The following MSRA variants were observed in gnomAD, a reference collection of about 807,000 sequenced individuals.
MSRA encodes methionine sulfoxide reductase A.
A neutral mutation model predicts 31.3 loss-of-function variants in MSRA; 54 were observed. The ratio of observed to expected loss-of-function variants is 1.73; its 90% CI spans 1.39 to 2.17. The LOEUF (loss-of-function observed/expected upper bound fraction) is 2.17, where lower values mean the gene tolerates loss of function less well. Among genes scored for constraint, MSRA ranks in the 30% most tolerant of loss-of-function variants. MSRA has a pLI of 0.00. For synonymous variants in MSRA, 169 were observed against 116.5 expected (o/e 1.45, Z -2.90); for missense variants, 507 against 300.9 (o/e 1.69, Z -5.07).
At chr8:10,314,009 C>G (rs1425763401) in intron 4 of MSRA, among the ~76,000 whole-genome samples, 2 of 152,054 alleles carry the variant, frequency 1.3e-5, no homozygotes, top group Non-Finnish European at 1.5e-5. Context: ...AAATCAATTC[C>G]AAGTAGATTG....
chr8:10,381,412 T>C (rs11249995), intron 5 of MSRA, among the ~76,000 whole-genome samples: 44,914 of 152,082 alleles, frequency 0.3, 7,692 homozygotes, highest in Non-Finnish European at 0.38. Flanking sequence ...AGAAAGGACA[T>C]GTCCTGAAGA....
intron 1 of MSRA, among the ~76,000 whole-genome samples, chr8:10,120,789 C>G (rs1475449535): frequency 6.6e-6 from 1 of 152,200 alleles, no homozygotes; most frequent in Non-Finnish European, 1.5e-5. Flanking sequence ...TGTTCTCTCT[C>G]CAAACGCTGT....
chr8:10,234,839 A>G (rs894020488), intron 2 of MSRA, among the ~76,000 whole-genome samples: 8 of 152,112 alleles, frequency 5.3e-5, no homozygotes, highest in African/African-American at 1.7e-4. Context: ...AATAGCATTA[A>G]AAATACTAAA....
At chr8:10,311,154 G>A (rs1055159954) in intron 4 of MSRA, among the ~76,000 whole-genome samples, 7 of 152,148 alleles carry the variant, frequency 4.6e-5, no homozygotes, top group Non-Finnish European at 8.8e-5. Context: ...GGATTTCTAG[G>A]TTCCAGGAAT....
At chr8:10,269,151 C>G (rs1480615897) in intron 3 of MSRA, among the ~76,000 whole-genome samples, 1 of 152,170 alleles carries the variant, frequency 6.6e-6, no homozygotes, top group Admixed American at 6.5e-5. Flanking sequence ...TGCTGCTGCA[C>G]GTTGTGCTCA....
intron 5 of MSRA, among the ~76,000 whole-genome samples, chr8:10,384,152 G>GTC (rs2129175981): frequency 6.6e-6 from 1 of 152,298 alleles, no homozygotes; most frequent in East Asian, 1.9e-4. Flanking sequence ...GACGGGTGAC[G>GTC]TATAGGGCTT....
At chr8:10,057,800 C>G (rs960666676) in intron 1 of MSRA, among the ~76,000 whole-genome samples, 1 of 152,222 alleles carries the variant, frequency 6.6e-6, no homozygotes, top group Non-Finnish European at 1.5e-5. Context: ...TTCCTGAGGC[C>G]TCCCTGGCCA....
chr8:10,122,524 T>G (rs999266811), intron 1 of MSRA, among the ~76,000 whole-genome samples: 1 of 150,428 alleles, frequency 6.6e-6, no homozygotes, highest in Non-Finnish European at 1.5e-5. Context: ...GTGGAAGTAT[T>G]TTTTTGTGTT....
chr8:10,131,995 T>G (rs1340869839), intron 1 of MSRA, among the ~76,000 whole-genome samples: 1 of 152,226 alleles, frequency 6.6e-6, no homozygotes, highest in Admixed American at 6.5e-5. Context: ...ATTTTTTAAA[T>G]TGAGTTTTTG....
At chr8:10,318,806 G>A (rs578074851) in intron 4 of MSRA, among the ~76,000 whole-genome samples, 6 of 152,224 alleles carry the variant, frequency 3.9e-5, no homozygotes, top group South Asian at 2.1e-4. Flanking sequence ...TGGGCTTCAC[G>A]CTTGAGGGTA....
At chr8:10,348,357 CTTTT>C (rs34083972) in intron 5 of MSRA, among the ~76,000 whole-genome samples, 1 of 64,240 alleles carries the variant, frequency 1.6e-5, no homozygotes, top group African/African-American at 6.6e-5. Flanking sequence ...AAATTATTGC[CTTTT>C]TTTTTTTTTT....
At chr8:10,271,812 G>A (rs1041830482) in intron 3 of MSRA, among the ~76,000 whole-genome samples, 10 of 151,450 alleles carry the variant, frequency 6.6e-5, no homozygotes. Flanking sequence ...TCGGCCTCCT[G>A]GGTTCAAGTG....
At chr8:10,331,000 C>T (rs1017006298) in intron 5 of MSRA, among the ~76,000 whole-genome samples, 31 of 152,118 alleles carry the variant, frequency 2.0e-4, no homozygotes, top group African/African-American at 6.3e-4. Context: ...TGTCCTTATA[C>T]GAAGAGACAC....
At chr8:10,209,613 C>G (rs1056415889) in intron 2 of MSRA, among the ~76,000 whole-genome samples, 1 of 152,160 alleles carries the variant, frequency 6.6e-6, no homozygotes, top group Admixed American at 6.5e-5. Flanking sequence ...CCTCAACATT[C>G]TTCCCCAAGG....
At chr8:10,071,224 T>C (rs577640817) in intron 1 of MSRA, among the ~76,000 whole-genome samples, 3 of 152,250 alleles carry the variant, frequency 2.0e-5, no homozygotes, top group Non-Finnish European at 4.4e-5. Flanking sequence ...TATCTCATCA[T>C]GGTTTTACTT....
intron 1 of MSRA, among the ~76,000 whole-genome samples, chr8:10,191,615 C>G (rs1219811548): frequency 1.3e-5 from 2 of 152,068 alleles, no homozygotes; most frequent in Non-Finnish European, 2.9e-5. Context: ...TGCCAGCACA[C>G]GAGGGAACAA....
chr8:10,296,155 T>C (rs776577199), intron 3 of MSRA, among the ~76,000 whole-genome samples: 2 of 152,168 alleles, frequency 1.3e-5, no homozygotes, highest in Non-Finnish European at 2.9e-5. Context: ...GGAAGCTCAG[T>C]GCCCAGACCA....
At chr8:10,075,637 G>T (rs143737365) in intron 1 of MSRA, among the ~76,000 whole-genome samples, 2,353 of 152,342 alleles carry the variant, frequency 0.015, 24 homozygotes, top group Non-Finnish European at 0.021. Flanking sequence ...CCCCAAGGTT[G>T]TGTTTACATA....
chr8:10,062,856 C>G (rs1373388840), intron 1 of MSRA, among the ~76,000 whole-genome samples: 1 of 152,144 alleles, frequency 6.6e-6, no homozygotes, highest in Non-Finnish European at 1.5e-5. Flanking sequence ...CGTGAGATTG[C>G]TAGTGAGGCA....
Sources: allele counts gnomAD v4.1 joint callset (sites outside exome capture counted in the v4.1 genomes callset), GRCh38; gene constraint gnomAD v4.1.1; transcripts MANE v1.5; gene names NCBI Gene and HGNC (gene_info 2026-07-23, HGNC 2026-07-21).